SDK1: variants seen among roughly 807,000 people sequenced by gnomAD.
SDK1 encodes the protein sidekick cell adhesion molecule 1.
Under a neutral mutation model 245.5 loss-of-function variants are expected in SDK1, and 157 were observed. The observed-to-expected ratio is 0.64, with a 90% confidence interval of 0.56 to 0.73. The LOEUF (loss-of-function observed/expected upper bound fraction) is 0.73. Among genes scored for constraint, SDK1 ranks in the 30% least tolerant of loss-of-function variants. The pLI is 0.00. For missense variants in SDK1, 3,583 were observed against 3,002.3 expected (o/e 1.19, Z -4.52); for synonymous variants, 1,647 against 1,278.5 (o/e 1.29, Z -6.15).
chr7:3,855,498 A>G (rs762829910), intron 5 of SDK1, among the ~76,000 whole-genome samples: 6 of 152,168 alleles, frequency 3.9e-5, no homozygotes, highest in Non-Finnish European at 7.3e-5. Context: ...AGTGAATTCA[A>G]CTTGAGAACA....
At chr7:3,699,895 A>T (rs964823258) in intron 4 of SDK1, among the ~76,000 whole-genome samples, 1 of 152,222 alleles carries the variant, frequency 6.6e-6, no homozygotes, top group Admixed American at 6.5e-5. Flanking sequence ...ACATCAAGAA[A>T]CATAGTAGTT....
intron 1 of SDK1, among the ~76,000 whole-genome samples, chr7:3,401,907 T>C (rs913796212): frequency 6.6e-6 from 1 of 152,176 alleles, no homozygotes; most frequent in African/African-American, 2.4e-5. Context: ...TGCATGGCGT[T>C]TGCTAGGAGT....
rs1781158932 is a variant in SDK1, at chr7:3,369,036, CTTTTCTTTTTTCTTTT to C, written c.298+67163_298+67178del. 2.0e-5 allele frequency among the ~76,000 whole-genome samples: 3 copies of C among 151,554 alleles called. No individual in the cohort carries two copies. The South Asian group carries it at 6.3e-4, about 32-fold the overall frequency. ...TCATGTAAATTCTTTTTTTTCTTTCCTTTTCTTTTTTCTTTTTTTTCTTTTTGAGACAGAGTCTTGC... is the reference window on the plus strand; with the variant it reads ...TCATGTAAATTCTTTTTTTTCTTTCCTTTTCTTTTTGAGACAGAGTCTTGC... On this transcript the variant is annotated intron_variant, in intron 1 of 44. Coordinates refer to ENST00000404826, the MANE Select transcript of SDK1 (RefSeq NM_152744.4).
intron 1 of SDK1, among the ~76,000 whole-genome samples, chr7:3,559,156 A>G (rs6462163): frequency 0.021 from 3,169 of 152,280 alleles, 115 homozygotes; most frequent in African/African-American, 0.071. Context: ...CGATATATAG[A>G]TATTATATAA....
chr7:3,442,516 T>C (rs73293153), intron 1 of SDK1, among the ~76,000 whole-genome samples: 2 of 152,164 alleles, frequency 1.3e-5, no homozygotes, highest in East Asian at 1.9e-4. Flanking sequence ...GTGGAGAATA[T>C]ACATTTTGGA....
At chr7:3,438,244 C>G (rs1237233462) in intron 1 of SDK1, among the ~76,000 whole-genome samples, 5 of 152,050 alleles carry the variant, frequency 3.3e-5, no homozygotes, top group African/African-American at 1.2e-4. Flanking sequence ...TTTTATATTC[C>G]CAATGAATAT....
chr7:3,447,685 C>T (rs1047846863), intron 1 of SDK1, among the ~76,000 whole-genome samples: 2 of 140,828 alleles, frequency 1.4e-5, no homozygotes, highest in South Asian at 4.6e-4. Context: ...CGGTAAATAT[C>T]TTAGCTTATA....
chr7:4,084,929 A>G (rs1339884550), intron 22 of SDK1, among the ~76,000 whole-genome samples: 1 of 151,802 alleles, frequency 6.6e-6, no homozygotes, highest in Non-Finnish European at 1.5e-5. Flanking sequence ...CGCCCAGCTA[A>G]TTTTTATATT....
At chr7:3,498,548 C>T (rs1782093894) in intron 1 of SDK1, among the ~76,000 whole-genome samples, 1 of 152,126 alleles carries the variant, frequency 6.6e-6, no homozygotes, top group South Asian at 2.1e-4. Context: ...CTAATGATTA[C>T]TGCTACAAAT....
intron 1 of SDK1, among the ~76,000 whole-genome samples, chr7:3,486,297 A>G (rs185021232): frequency 9.9e-5 from 15 of 151,554 alleles, no homozygotes; most frequent in Non-Finnish European, 1.9e-4. Flanking sequence ...CTTTATTTGG[A>G]TCTTCTTTCT....
chr7:3,800,510 T>G (rs1411896640), intron 4 of SDK1, among the ~76,000 whole-genome samples: 1 of 151,998 alleles, frequency 6.6e-6, no homozygotes, highest in Non-Finnish European at 1.5e-5. Context: ...GCCTTCCAAG[T>G]AGCTTGGATT....
At chr7:3,630,632 T>C (rs1256762955) in intron 2 of SDK1, among the ~76,000 whole-genome samples, 1 of 151,886 alleles carries the variant, frequency 6.6e-6, no homozygotes, top group African/African-American at 2.4e-5. Context: ...CAAGACTCCA[T>C]CTCAAGAAGA....
At chr7:3,506,475 G>A (rs1216358497) in intron 1 of SDK1, among the ~76,000 whole-genome samples, 2 of 151,984 alleles carry the variant, frequency 1.3e-5, no homozygotes, top group East Asian at 3.8e-4. Flanking sequence ...ATGGTTTCAT[G>A]CTTTCATAAA....
At chr7:4,006,921 C>T (rs1453409563) in intron 14 of SDK1, among the ~76,000 whole-genome samples, 11 of 152,280 alleles carry the variant, frequency 7.2e-5, no homozygotes, top group South Asian at 2.1e-4. Flanking sequence ...GGGCCGAGGG[C>T]GGGAAAGCGG....
At chr7:3,605,904 A>G (rs1180266985) in intron 1 of SDK1, among the ~76,000 whole-genome samples, 1 of 151,710 alleles carries the variant, frequency 6.6e-6, no homozygotes, top group Admixed American at 6.6e-5. Flanking sequence ...TTTTTTTTTA[A>G]TTGATGATTT....
At chr7:3,406,921 A>G (rs530339693) in intron 1 of SDK1, among the ~76,000 whole-genome samples, 17 of 146,524 alleles carry the variant, frequency 1.2e-4, no homozygotes, top group Non-Finnish European at 1.9e-4. Context: ...TTTTACTCAA[A>G]CAAGCAGAAA....
At chr7:3,714,563 T>C (rs369705686) in intron 4 of SDK1, among the ~76,000 whole-genome samples, 1 of 152,338 alleles carries the variant, frequency 6.6e-6, no homozygotes. Context: ...TAAGTGGTGA[T>C]ATTAGCATTA....
At chr7:3,756,274 C>T (rs958751212) in intron 4 of SDK1, among the ~76,000 whole-genome samples, 4 of 150,390 alleles carry the variant, frequency 2.7e-5, no homozygotes, top group African/African-American at 9.8e-5. Context: ...GCACGTGTGA[C>T]ACATGCATAT....
Position 3,442,067 on chromosome 7 carries a change from G to A in SDK1, c.298+140183G>A, listed in dbSNP as rs140521027. 6.6e-4 allele frequency among the ~76,000 whole-genome samples: 100 copies of A among 152,284 alleles called. 1 individual carries two copies. The East Asian group carries it at 0.018, about 28-fold the overall frequency. On this transcript the variant is annotated intron_variant, in intron 1 of 44. Transcript: ENST00000404826. ...GTACTCACCTAGCCTGCTGGTACCT[G>A]CCAGATGGTGGGCATTTTGGGTGAG...
Sources: allele counts gnomAD v4.1 joint callset (sites outside exome capture counted in the v4.1 genomes callset), GRCh38; gene constraint gnomAD v4.1.1; transcripts MANE v1.5; gene names NCBI Gene and HGNC (gene_info 2026-07-23, HGNC 2026-07-21).